Variants in GRIK3 observed in about 807,000 individuals in gnomAD.
GRIK3 encodes the protein glutamate ionotropic receptor kainate type subunit 3.
GRIK3 carries 29 observed loss-of-function variants against 102.5 expected under a neutral mutation model. That is an observed-to-expected ratio of 0.28 (90% CI 0.21 to 0.39). GRIK3 has a LOEUF of 0.39. GRIK3 is among the 10% of genes least tolerant of loss of function. GRIK3 has a pLI of 1.00. For missense variants in GRIK3, 908 were observed against 1,252.4 expected (o/e 0.73, Z 4.15); for synonymous variants, 511 against 504.9 (o/e 1.01, Z -0.16).
chr1:36,861,341 C>T (rs1333726458), intron 5 of GRIK3, among the ~76,000 whole-genome samples: 5 of 152,346 alleles, frequency 3.3e-5, no homozygotes, highest in South Asian at 2.1e-4. Context: ...AGCTCCTCCT[C>T]GTCTACTGTC....
chr1:36,979,006 T>C (rs749197364), intron 1 of GRIK3, among the ~76,000 whole-genome samples: 9 of 152,242 alleles, frequency 5.9e-5, no homozygotes, highest in Non-Finnish European at 1.0e-4. Context: ...GTCTGAATTA[T>C]ACATATTGGA....
At chr1:36,916,434 C>A (rs1641401481) in intron 1 of GRIK3, among the ~76,000 whole-genome samples, 1 of 152,178 alleles carries the variant, frequency 6.6e-6, no homozygotes, top group Admixed American at 6.5e-5. Context: ...TAATGTTAAT[C>A]CCCAAGACAA....
At chr1:37,001,431 T>C (rs1247466197) in intron 1 of GRIK3, among the ~76,000 whole-genome samples, 2 of 152,222 alleles carry the variant, frequency 1.3e-5, no homozygotes, top group African/African-American at 4.8e-5. Context: ...CCAATTCCCC[T>C]GGCAGGAAAC....
intron 1 of GRIK3, among the ~76,000 whole-genome samples, chr1:37,024,822 G>A (rs1642751420): frequency 6.6e-6 from 1 of 151,602 alleles, no homozygotes; most frequent in Non-Finnish European, 1.5e-5. Context: ...ATCTCAGGCT[G>A]TTAGATCTTA....
Position 36,850,569 on chromosome 1 carries a change from C to T in GRIK3, c.1213-145G>A, listed in dbSNP as rs1009942224. 1.6e-6 allele frequency: 1 copy of T among 642,086 alleles called. No homozygotes were observed. The highest frequency in any genetic ancestry group is 1.8e-5 in the African/African-American group (1 of 56,052). 39.8% of individuals were successfully genotyped at this position (642,086 alleles called of 1,614,324 possible). A position where few individuals can be genotyped will look rare whatever the true frequency, so the allele number is the denominator to read the frequency against. On this transcript the variant is annotated intron_variant, in intron 8 of 15. Coordinates refer to ENST00000373091, the MANE Select transcript of GRIK3 (RefSeq NM_000831.4). The surrounding 1 kb of genome is among the most constrained non-coding windows in gnomAD (Gnocchi z 4.0). ...CATCATCACCACTGCCATTGTGTTT[C>T]CAGTTATAACCGTTCTGGACAACAT...
chr1:37,012,197 G>A (rs1642603904), intron 1 of GRIK3, among the ~76,000 whole-genome samples: 5 of 152,238 alleles, frequency 3.3e-5, no homozygotes, highest in Admixed American at 2.6e-4. Context: ...TTTCATCAAA[G>A]TAATTTATTG....
At chr1:36,904,795 G>A (rs1463422876) in intron 1 of GRIK3, among the ~76,000 whole-genome samples, 2 of 152,106 alleles carry the variant, frequency 1.3e-5, no homozygotes, top group East Asian at 3.9e-4. Flanking sequence ...GAGGCCATGG[G>A]TTTTGCTGGG....
At chr1:36,916,793 C>T (rs1300219304) in intron 1 of GRIK3, among the ~76,000 whole-genome samples, 1 of 152,168 alleles carries the variant, frequency 6.6e-6, no homozygotes, top group Admixed American at 6.5e-5. Flanking sequence ...AAGTTTGCTG[C>T]AGGGGTGGGG....
chr1:36,981,502 G>A (rs1224611940), intron 1 of GRIK3, among the ~76,000 whole-genome samples: 1 of 152,240 alleles, frequency 6.6e-6, no homozygotes, highest in Non-Finnish European at 1.5e-5. Flanking sequence ...CAGCCACACA[G>A]TAAGATGGAG....
chr1:36,897,822 T>C (rs1353303541), intron 1 of GRIK3, among the ~76,000 whole-genome samples: 1 of 152,172 alleles, frequency 6.6e-6, no homozygotes, highest in Non-Finnish European at 1.5e-5. Flanking sequence ...AATCAGTATA[T>C]TGAATAGATA....
rs146469717 is a variant in GRIK3 at position 36,816,038 on chromosome 1, C to T, written c.2091+1022G>A. 6.6e-4 allele frequency among the ~76,000 whole-genome samples: 99 copies of T among 150,880 alleles called. 2 individuals carry two copies. Among genetic ancestry groups the T allele is most frequent in the Admixed American group, 1.3e-4 (2 of 15,172 alleles). On this transcript the variant is annotated intron_variant, in intron 13 of 15. Coordinates refer to ENST00000373091, the MANE Select transcript of GRIK3 (RefSeq NM_000831.4). ...TGCTGGGATTACAGGCATGAGCCAC[C>T]GTGCCTGGCCTGCAAGCTGTGTTTC...
chr1:36,874,640 A>G lies in GRIK3; in HGVS notation c.551-2271T>C, dbSNP rs547295116. ...AGGTTGAATGATGCTTCCCTTTCAT[A>G]TCTGTTACCCCGTGAGGTCCAGGGT... On this transcript the variant is annotated intron_variant, in intron 3 of 15. Transcript: ENST00000373091. Among the ~76,000 whole-genome samples, 5 of 152,314 alleles carry G rather than the reference A, an allele frequency of 3.3e-5. No individual in the cohort carries two copies. The South Asian group carries it at 1.0e-3, about 32-fold the overall frequency.
chr1:37,001,565 TG>T (rs1642476814), intron 1 of GRIK3, among the ~76,000 whole-genome samples: 1 of 152,042 alleles, frequency 6.6e-6, no homozygotes, highest in Admixed American at 6.6e-5. Context: ...AGCAGAGGCC[TG>T]GCCATTTGCT....
rs1408667387 is a variant in GRIK3, at chr1:36,806,730, C to T, written c.2092-404G>A. Among the ~76,000 whole-genome samples the T allele has an allele frequency of 6.6e-6, 1 of 152,212 alleles. No individual in the cohort carries two copies. Among genetic ancestry groups the T allele is most frequent in the Non-Finnish European group, 1.5e-5 (1 of 68,044 alleles). On this transcript the variant is annotated intron_variant, in intron 13 of 15. Transcript: ENST00000373091. The surrounding 1 kb of genome is among the most constrained non-coding windows in gnomAD (Gnocchi z 4.0). ...AGGAGGCAGGCACCATCACAAGCCCCATTTTACAAATAAAAAGATTGAGGC... is the reference window on the plus strand; with the variant it reads ...AGGAGGCAGGCACCATCACAAGCCCTATTTTACAAATAAAAAGATTGAGGC...
chr1:36,874,594 G>A (rs113223699), intron 3 of GRIK3, among the ~76,000 whole-genome samples: 3 of 152,170 alleles, frequency 2.0e-5, no homozygotes, highest in African/African-American at 7.2e-5. Flanking sequence ...CCCTCCCAAT[G>A]TATCCCAGAA....
intron 2 of GRIK3, among the ~76,000 whole-genome samples, chr1:36,886,281 C>G (rs1274581045): frequency 6.6e-6 from 1 of 152,174 alleles, no homozygotes; most frequent in Non-Finnish European, 1.5e-5. Flanking sequence ...TCCCCTCCCC[C>G]CACAGGGCCC....
intron 2 of GRIK3, among the ~76,000 whole-genome samples, chr1:36,888,407 T>C (rs959369908): frequency 3.3e-5 from 5 of 152,222 alleles, no homozygotes; most frequent in Non-Finnish European, 7.3e-5. Context: ...CCATGGGGGC[T>C]TCTGGAGGGC....
intron 11 of GRIK3, among the ~76,000 whole-genome samples, chr1:36,823,831 A>G (rs1194426502): frequency 6.6e-6 from 1 of 152,120 alleles, no homozygotes; most frequent in Admixed American, 6.5e-5. Context: ...TCCAATTTGA[A>G]CTTTATATCT....
intron 5 of GRIK3, among the ~76,000 whole-genome samples, chr1:36,864,478 G>A (rs1236974314): frequency 6.6e-6 from 1 of 152,222 alleles, no homozygotes; most frequent in Non-Finnish European, 1.5e-5. Context: ...CAAAGCTTTA[G>A]ACTGCCCAGG....
Sources: gnomAD v4.1 joint callset for allele counts (sites outside exome capture counted in the v4.1 genomes callset) on GRCh38, gnomAD v4.1.1 for gene constraint, Gnocchi (gnomAD v3.1) non-coding constraint, MANE v1.5 for transcripts, NCBI Gene and HGNC (gene_info 2026-07-23, HGNC 2026-07-21) for gene names.